KIAA1549L: variants seen among roughly 807,000 people sequenced by gnomAD.
KIAA1549L encodes KIAA1549 like.
KIAA1549L carries 88 observed loss-of-function variants against 160.7 expected under a neutral mutation model. The observed-to-expected ratio is 0.55, with a 90% CI of 0.46 to 0.65. The LOEUF is 0.65. Among genes scored for constraint, KIAA1549L ranks in the 30% least tolerant of loss-of-function variants. The pLI is 0.00. For synonymous variants in KIAA1549L, 950 were observed against 976.7 expected, an observed-to-expected ratio of 0.97 and a Z score of 0.51; for missense variants, 2,258 against 2,437.5, an observed-to-expected ratio of 0.93 and a Z score of 1.55.
chr11:33,496,631 A>G (rs889888850), intron 1 of KIAA1549L, among the ~76,000 whole-genome samples: 5 of 152,026 alleles, frequency 3.3e-5, no homozygotes, highest in Admixed American at 6.6e-5. Context: ...CTTCCCAACA[A>G]CTTGTCTTGC....
chr11:33,470,804 C>T (rs968496972), intron 1 of KIAA1549L, among the ~76,000 whole-genome samples: 1 of 151,598 alleles, frequency 6.6e-6, no homozygotes, highest in African/African-American at 2.4e-5. Context: ...CTTTTTTCTT[C>T]TTTGTTTTGT....
At chr11:33,574,451 G>A (rs1310201142) in intron 9 of KIAA1549L, among the ~76,000 whole-genome samples, 1 of 152,234 alleles carries the variant, frequency 6.6e-6, no homozygotes, top group Non-Finnish European at 1.5e-5. Context: ...TCACTATCCT[G>A]TGTTTTCTTC....
intron 15 of KIAA1549L, among the ~76,000 whole-genome samples, chr11:33,612,393 T>C (rs139083652): frequency 6.6e-6 from 1 of 152,296 alleles, no homozygotes; most frequent in African/African-American, 2.4e-5. Flanking sequence ...AGTCCAGAGG[T>C]AGCATCAGTG....
rs1471417144 is a variant in KIAA1549L at position 33,495,332 on chromosome 11, C to T, written c.239-46470C>T. Among the ~76,000 whole-genome samples the T allele has an allele frequency of 6.0e-5, 9 of 149,436 alleles. No homozygotes were observed. The South Asian group carries it at 8.7e-4, about 14-fold the overall frequency. ...TGATGTTCCCCTTCCTGTGTCCATG[C>T]GTTCTCATTGTTCAATTCCCACCTA... On this transcript the variant is annotated intron_variant, in intron 1 of 20. Transcript: ENST00000658780.
At chr11:33,537,032 C>T (rs1415952409) in intron 1 of KIAA1549L, among the ~76,000 whole-genome samples, 6 of 152,318 alleles carry the variant, frequency 3.9e-5, no homozygotes, top group East Asian at 1.9e-4. Context: ...GTCCGGCTGT[C>T]GCCTCCCTCT....
chr11:33,643,320 C>T (rs1426346406), intron 16 of KIAA1549L, among the ~76,000 whole-genome samples: 3 of 152,090 alleles, frequency 2.0e-5, no homozygotes, highest in Admixed American at 6.5e-5. Flanking sequence ...CAACCTTACT[C>T]GGAGAACTCA....
intron 1 of KIAA1549L, among the ~76,000 whole-genome samples, chr11:33,391,075 TG>T (rs1268189269): frequency 6.6e-6 from 1 of 152,234 alleles, no homozygotes; most frequent in Non-Finnish European, 1.5e-5. Context: ...GTAGAGAGGA[TG>T]GGAGTCAGAT....
chr11:33,447,066 G>T (rs1212014730), intron 1 of KIAA1549L, among the ~76,000 whole-genome samples: 1 of 152,192 alleles, frequency 6.6e-6, no homozygotes, highest in African/African-American at 2.4e-5. Context: ...TTACCACAGG[G>T]ATCTTCTTGT....
Position 33,386,992 on chromosome 11 carries a change from A to G in KIAA1549L, c.238+10103A>G, listed in dbSNP as rs565988357. ...TATGGTGGTGCACACCTATAGTCCC[A>G]GCTACTTGGGAGGCTGAAGCATGAG... On this transcript the variant is annotated intron_variant, in intron 1 of 20. Transcript: ENST00000658780. Among the ~76,000 whole-genome samples, 9 of 152,064 alleles carry G rather than the reference A, an allele frequency of 5.9e-5. No homozygotes were observed. The East Asian group carries it at 1.8e-3, about 30-fold the overall frequency.
rs188208280 is a variant in KIAA1549L at position 33,643,290 on chromosome 11, G to C, written c.5410-2396G>C. 8.1e-4 allele frequency among the ~76,000 whole-genome samples: 123 copies of C among 152,158 alleles called. 3 individuals are homozygous for C. The East Asian group carries it at 0.02, about 25-fold the overall frequency. On this transcript the variant is annotated intron_variant, in intron 16 of 20. Coordinates refer to ENST00000658780, the MANE Select transcript of KIAA1549L (RefSeq NM_012194.3). ...TATATATATAACATATATATGTGTG[G>C]TGGCCTAGCACTCCCCTACCAACCT... is the stretch of plus-strand genomic sequence containing the variant.
At chr11:33,455,894 G>A (rs990931984) in intron 1 of KIAA1549L, among the ~76,000 whole-genome samples, 2 of 152,244 alleles carry the variant, frequency 1.3e-5, no homozygotes, top group Admixed American at 1.3e-4. Flanking sequence ...GAGCAAAAAT[G>A]TTTCTTTCTC....
In KIAA1549L at chr11:33,618,545, G is replaced by A. The variant is rs2133349966; in HGVS notation, c.5292G>A (p.Lys1764=). The A allele has an allele frequency of 6.2e-7, 1 of 1,606,478 alleles. No homozygotes were observed. Among genetic ancestry groups the A allele is most frequent in the African/African-American group, 1.3e-5 (1 of 74,930 alleles). Residue 1764 remains lysine (K), a synonymous_variant, in exon 16 of 21, where the codon AAG becomes AAA. Transcript: ENST00000658780. ...GAATTTTCTTCAGGCAACAGATGAAGAACTCTGTCTACAGAAGCCGGCAGT... is the reference window on the plus strand; with the variant it reads ...GAATTTTCTTCAGGCAACAGATGAAAAACTCTGTCTACAGAAGCCGGCAGT... ...FTESKNRQQM[K]NSVYRSRQSL... is the part of the protein sequence containing the mutation.
intron 1 of KIAA1549L, among the ~76,000 whole-genome samples, chr11:33,460,073 C>G (rs1323902009): frequency 6.6e-6 from 1 of 151,954 alleles, no homozygotes; most frequent in Non-Finnish European, 1.5e-5. Flanking sequence ...ATACTCCCTA[C>G]TCTTCATGGG....
At chr11:33,493,941 A>G (rs995644216) in intron 1 of KIAA1549L, among the ~76,000 whole-genome samples, 4 of 152,220 alleles carry the variant, frequency 2.6e-5, no homozygotes, top group African/African-American at 9.6e-5. Context: ...TCCCAGGGCA[A>G]TTAAACCAGA....
chr11:33,420,386 G>A (rs904968111), intron 1 of KIAA1549L, among the ~76,000 whole-genome samples: 1 of 151,806 alleles, frequency 6.6e-6, no homozygotes. Flanking sequence ...AGTTCACCAT[G>A]CTTGGATTAT....
intron 1 of KIAA1549L, among the ~76,000 whole-genome samples, chr11:33,507,199 C>T (rs928442189): frequency 1.3e-5 from 2 of 152,120 alleles, no homozygotes; most frequent in African/African-American, 2.4e-5. Context: ...TTGCTGAGGT[C>T]AGAGTCAGCT....
At chr11:33,631,278 G>A (rs549607261) in intron 16 of KIAA1549L, among the ~76,000 whole-genome samples, 5 of 148,724 alleles carry the variant, frequency 3.4e-5, no homozygotes, top group South Asian at 2.1e-4. Context: ...TCTAGCTGAC[G>A]CGTGTTACTC....
At chr11:33,470,849 C>T (rs1481434998) in intron 1 of KIAA1549L, among the ~76,000 whole-genome samples, 1 of 152,104 alleles carries the variant, frequency 6.6e-6, no homozygotes, top group African/African-American at 2.4e-5. Context: ...TATTCTGTGT[C>T]CTTGAGAGAG....
chr11:33,453,143 C>A (rs1851754988), intron 1 of KIAA1549L, among the ~76,000 whole-genome samples: 1 of 152,170 alleles, frequency 6.6e-6, no homozygotes, highest in Non-Finnish European at 1.5e-5. Flanking sequence ...TGGATCCCTG[C>A]AAATGTTGCA....
Sources: gnomAD v4.1 joint callset for allele counts (sites outside exome capture counted in the v4.1 genomes callset) on GRCh38, gnomAD v4.1.1 for gene constraint, MANE v1.5 for transcripts, NCBI Gene and HGNC (gene_info 2026-07-23, HGNC 2026-07-21) for gene names.